The following SLC7A2 variants were observed in gnomAD, a reference collection of about 807,000 sequenced individuals.
SLC7A2 encodes the protein solute carrier family 7 member 2, also known as cationic amino acid transporter 2.
In SLC7A2, 48 loss-of-function variants were observed where a neutral mutation model predicts 58.9. That is an observed-to-expected ratio of 0.82 (90% confidence interval 0.65 to 1.04). The LOEUF is 1.04. Among genes scored for constraint, SLC7A2 ranks in the 50% least tolerant of loss-of-function variants. The probability of loss-of-function intolerance (pLI) is 0.00; values close to 1 mark genes in which losing one functional copy is unlikely to be tolerated. For missense variants in SLC7A2, 1,029 were observed against 818.8 expected, an observed-to-expected ratio of 1.26 and a Z score of -3.13; for synonymous variants, 363 against 314.5, an observed-to-expected ratio of 1.15 and a Z score of -1.63.
upstream of SLC7A2, among the ~76,000 whole-genome samples, chr8:17,496,117 G>A (rs551238868): frequency 6.6e-6 from 1 of 152,158 alleles, no homozygotes; most frequent in Non-Finnish European, 1.5e-5. Context: ...AAGTAAAGTG[G>A]ACCTTTCTGT....
In SLC7A2 at chr8:17,543,576, A is replaced by G. The variant is rs753148210; in HGVS notation, c.237A>G (p.Ser79=). The G allele has an allele frequency of 1.1e-5, 18 of 1,611,074 alleles. No homozygotes were observed. Among genetic ancestry groups the G allele is most frequent in the Non-Finnish European group, 1.5e-5 (18 of 1,178,566 alleles). The change falls in exon 3 of 13, where the codon TCA becomes TCG. Residue 79 remains serine, a synonymous_variant. Coordinates refer to ENST00000494857, the MANE Select transcript of SLC7A2 (RefSeq NM_001370338.1). ...CCTTCCTCATTGCTGCCCTGGCTTC[A>G]GTGATGGCTGGCCTCTGCTATGCCG... The part of the protein sequence containing the change: ...VVSFLIAALA[S]VMAGLCYAEF...
chr8:17,538,806 C>T (rs921120858), intron 2 of SLC7A2: 1 of 1,613,230 alleles, frequency 6.2e-7, no homozygotes, highest in Non-Finnish European at 8.5e-7. Context: ...GATGTCTCAC[C>T]ACGAAACTAG....
chr8:17,566,924 A>C lies in SLC7A2; in HGVS notation c.*1778A>C, dbSNP rs947547069. 6.6e-5 allele frequency: 10 copies of C among 152,660 alleles called. No homozygotes were observed. The highest frequency in any genetic ancestry group is 2.4e-4 in the African/African-American group (10 of 41,556). The allele number at this position is 152,660 out of a possible 1,614,324, so 9.5% of individuals were successfully genotyped here. ...TTCCTCATGGGTCTTCCAAGAAATG[A>C]GCTATTTTATTGATGCCATTAAAAA... On this transcript the variant is annotated 3_prime_UTR_variant, in exon 13 of 13. Transcript: ENST00000494857.
chr8:17,555,025 A>G (rs1164778293), intron 8 of SLC7A2: 1 of 1,613,910 alleles, frequency 6.2e-7, no homozygotes, highest in Non-Finnish European at 8.5e-7. Flanking sequence ...ATTTCTTGCC[A>G]GAGTGAGTAA....
intron 2 of SLC7A2, among the ~76,000 whole-genome samples, chr8:17,507,102 G>A (rs1800399016): frequency 6.6e-6 from 1 of 151,904 alleles, no homozygotes; most frequent in African/African-American, 2.4e-5. Flanking sequence ...GCACCACCAT[G>A]CCTGGCTAAT....
intron 2 of SLC7A2, among the ~76,000 whole-genome samples, chr8:17,534,711 A>C (rs903927247): frequency 1.3e-5 from 2 of 151,040 alleles, no homozygotes; most frequent in African/African-American, 4.9e-5. Flanking sequence ...AAAAAAAAAA[A>C]AACAAGACAA....
At chr8:17,529,784 A>G (rs1385520598) in intron 2 of SLC7A2, among the ~76,000 whole-genome samples, 2 of 151,874 alleles carry the variant, frequency 1.3e-5, no homozygotes, top group African/African-American at 4.8e-5. Flanking sequence ...TAATCCGCCC[A>G]CCTTGGCCTA....
At chr8:17,540,797 G>C (rs944415482) in intron 2 of SLC7A2, among the ~76,000 whole-genome samples, 1 of 151,918 alleles carries the variant, frequency 6.6e-6, no homozygotes, top group South Asian at 2.1e-4. Context: ...CATAATCACA[G>C]TACCAGGAAA....
chr8:17,507,380 T>A lies in SLC7A2; in HGVS notation c.-23+5078T>A, dbSNP rs34932321. Among the ~76,000 whole-genome samples the A allele has an allele frequency of 2.8e-4, 43 of 152,142 alleles. 3 individuals are homozygous for A. In the South Asian group the frequency reaches 8.7e-3, roughly 31 times the overall value. ...ATGTGTGTGTGTGTGTGCATTATTA[T>A]TATTTTTGTGTGTGTGGAGACGGGG... On this transcript the variant is annotated intron_variant, in intron 2 of 12. Transcript: ENST00000494857.
chr8:17,525,130 T>G (rs538270865), intron 2 of SLC7A2, among the ~76,000 whole-genome samples: 1 of 152,182 alleles, frequency 6.6e-6, no homozygotes, highest in Non-Finnish European at 1.5e-5. Context: ...CCTTGACTTC[T>G]TAAGTTGAAT....
rs1012306427 is a variant in SLC7A2, at chr8:17,569,496, T to C, written c.*4350T>C. 13 of 152,188 alleles carry C rather than the reference T, an allele frequency of 8.5e-5. No homozygotes were observed. The highest frequency in any genetic ancestry group is 1.8e-4 in the Non-Finnish European group (12 of 68,030). 9.4% of individuals were successfully genotyped at this position (152,188 alleles called of 1,614,324 possible). ...AGGTCATTTTCATTTTTTAGTCATA[T>C]AGATATGAAAATAAGTTCATATAGA... is the stretch of plus-strand genomic sequence containing the variant. On this transcript the variant is annotated 3_prime_UTR_variant, in exon 13 of 13. Coordinates refer to ENST00000494857, the MANE Select transcript of SLC7A2 (RefSeq NM_001370338.1).
At chr8:17,513,021 A>G (rs891041440) in intron 2 of SLC7A2, among the ~76,000 whole-genome samples, 4 of 152,148 alleles carry the variant, frequency 2.6e-5, no homozygotes, top group Non-Finnish European at 5.9e-5. Flanking sequence ...AGCACATTTT[A>G]TTAGTCCATT....
intron 2 of SLC7A2, among the ~76,000 whole-genome samples, chr8:17,520,000 G>C (rs1251646759): frequency 6.6e-6 from 1 of 152,142 alleles, no homozygotes; most frequent in Non-Finnish European, 1.5e-5. Flanking sequence ...GAAAAGAAGA[G>C]TTTTCTGTGA....
At chr8:17,506,769 TG>T (rs1800382276) in intron 2 of SLC7A2, among the ~76,000 whole-genome samples, 1 of 147,760 alleles carries the variant, frequency 6.8e-6, no homozygotes. Context: ...TTTTTTTTTT[TG>T]AGACAGACTC....
intron 7 of SLC7A2, among the ~76,000 whole-genome samples, chr8:17,553,028 T>C (rs1489857350): frequency 6.6e-6 from 1 of 152,142 alleles, no homozygotes; most frequent in African/African-American, 2.4e-5. Context: ...TAGACACTCT[T>C]GGTTTCTCAG....
chr8:17,535,355 G>C (rs1253824626), intron 2 of SLC7A2, among the ~76,000 whole-genome samples: 1 of 151,794 alleles, frequency 6.6e-6, no homozygotes, highest in Non-Finnish European at 1.5e-5. Context: ...TCCAAACATA[G>C]CTGTCTCCAG....
intron 1 of SLC7A2, among the ~76,000 whole-genome samples, chr8:17,497,542 T>G (rs1800002687): frequency 6.6e-6 from 1 of 152,150 alleles, no homozygotes; most frequent in Admixed American, 6.5e-5. Flanking sequence ...CCCGGGGACT[T>G]CGGGGACCGC....
intron 2 of SLC7A2, among the ~76,000 whole-genome samples, chr8:17,537,440 C>T (rs1315071075): frequency 6.6e-6 from 1 of 152,130 alleles, no homozygotes; most frequent in Non-Finnish European, 1.5e-5. Context: ...CTGCACTAGA[C>T]CATTTGACCG....
At chr8:17,531,298 T>C (rs952909086) in intron 2 of SLC7A2, among the ~76,000 whole-genome samples, 28 of 152,342 alleles carry the variant, frequency 1.8e-4, no homozygotes, top group African/African-American at 6.5e-4. Flanking sequence ...CCGTATATTG[T>C]ATGTAATACA....
Sources: gnomAD v4.1 joint callset for allele counts (sites outside exome capture counted in the v4.1 genomes callset) on GRCh38, gnomAD v4.1.1 for gene constraint, MANE v1.5 for transcripts, NCBI Gene and HGNC (gene_info 2026-07-23, HGNC 2026-07-21) for gene names.